The following MED17 variants were observed in gnomAD, a reference collection of about 807,000 sequenced individuals.
MED17 encodes mediator of RNA polymerase II transcription subunit 17.
A neutral mutation model predicts 80.8 loss-of-function variants in MED17; 49 were observed. The observed-to-expected ratio is 0.61, with a 90% confidence interval of 0.48 to 0.77. The LOEUF (loss-of-function observed/expected upper bound fraction) is 0.77. MED17 is among the 30% of genes least tolerant of loss of function. MED17 has a pLI of 0.00. For synonymous variants in MED17, 281 were observed against 280.4 expected (o/e 1.00, Z -0.02); for missense variants, 718 against 787.0 (o/e 0.91, Z 1.05).
intron 11 of MED17, 152 bp downstream of exon 11, chr11:93,810,028 TA>T: frequency 1.3e-6 from 1 of 762,732 alleles, no homozygotes; most frequent in South Asian, 1.5e-5. Flanking sequence ...TCATAGCTAT[TA>T]TGCAGAGCAA....
At chr11:93,788,574 A>C (rs1261997975) in intron 2 of MED17, 1 of 169,932 alleles carries the variant, frequency 5.9e-6, no homozygotes, top group Non-Finnish European at 1.3e-5. Context: ...CCAGCTACTC[A>C]GAAGGCTGAG....
At chr11:93,802,811 G>T (rs150962468) in intron 9 of MED17, among the ~76,000 whole-genome samples, 2 of 152,284 alleles carry the variant, frequency 1.3e-5, no homozygotes, top group East Asian at 1.9e-4. Flanking sequence ...AGGTAAGATG[G>T]TTTTTGTCCC....
intron 5 of MED17, 58 bp from the exon 6 acceptor site, chr11:93,794,850 A>T: frequency 6.5e-7 from 1 of 1,538,600 alleles, no homozygotes; most frequent in Non-Finnish European, 9.0e-7. Flanking sequence ...ATCACCATTT[A>T]AACTAGTTAA....
chr11:93,784,859 C>A (rs964613647), intron 1 of MED17, 96 bp downstream of exon 1: 2 of 1,485,182 alleles, frequency 1.3e-6, no homozygotes, highest in Non-Finnish European at 9.0e-7. Flanking sequence ...CTTGTGCGTG[C>A]GAGAACTTTT....
rs905318241 is a variant in MED17 at position 93,813,199 on chromosome 11, T to C, written c.*1135T>C. 1.3e-5 allele frequency: 2 copies of C among 152,228 alleles called. No individual in the cohort carries two copies. The highest frequency in any genetic ancestry group is 6.5e-5 in the Admixed American group (1 of 15,276). 9.4% of individuals were successfully genotyped at this position (152,228 alleles called of 1,614,324 possible). A position where few individuals can be genotyped will look rare whatever the true frequency, so the allele number is the denominator to read the frequency against. ...GTAGTATCATATAGGCAAGCTCTCC[T>C]TATAAGTAAGGCTTTCAATTTTTAA... On this transcript the variant is annotated 3_prime_UTR_variant, in exon 12 of 12. Coordinates refer to ENST00000251871, the MANE Select transcript of MED17 (RefSeq NM_004268.5).
chr11:93,812,322 T>C lies in MED17; in HGVS notation c.*258T>C, dbSNP rs1944092789. 1.8e-6 allele frequency: 1 copy of C among 555,082 alleles called. No individual in the cohort carries two copies. The highest frequency in any genetic ancestry group is 2.8e-5 in the South Asian group (1 of 36,008). The allele number at this position is 555,082 out of a possible 1,614,324, so 34.4% of individuals were successfully genotyped here. A position where few individuals can be genotyped will look rare whatever the true frequency, so the allele number is the denominator to read the frequency against. On this transcript the variant is annotated 3_prime_UTR_variant, in exon 12 of 12. Coordinates refer to ENST00000251871, the MANE Select transcript of MED17 (RefSeq NM_004268.5). Reference sequence around the variant, plus strand: ...TATGTTTTTCATGCAGTTTAAAATATTACTAACTTAAGGGTTTCTATGTGC... The same window carrying C: ...TATGTTTTTCATGCAGTTTAAAATACTACTAACTTAAGGGTTTCTATGTGC...
At chr11:93,794,591 G>T (rs1245766417) in intron 5 of MED17, among the ~76,000 whole-genome samples, 1 of 152,102 alleles carries the variant, frequency 6.6e-6, no homozygotes, top group Non-Finnish European at 1.5e-5. Flanking sequence ...CACAGTGGCA[G>T]TATCAAACCC....
chr11:93,787,146 G>T (rs938427355), intron 1 of MED17, among the ~76,000 whole-genome samples: 14 of 152,168 alleles, frequency 9.2e-5, no homozygotes. Flanking sequence ...GGGCGCAGTG[G>T]CTCACGTCTG....
intron 9 of MED17, among the ~76,000 whole-genome samples, chr11:93,804,299 G>C (rs529830005): frequency 6.6e-6 from 1 of 151,930 alleles, no homozygotes; most frequent in Non-Finnish European, 1.5e-5. Context: ...CAGCTGATTA[G>C]ATGGTGCCCA....
chr11:93,798,324 A>G (rs1431752117), intron 8 of MED17, among the ~76,000 whole-genome samples: 1 of 152,212 alleles, frequency 6.6e-6, no homozygotes, highest in Non-Finnish European at 1.5e-5. Context: ...ATATAAATGT[A>G]TCTTTTTCAG....
At chr11:93,810,110 C>G in intron 11 of MED17, 4 of 502,530 alleles carry the variant, frequency 8.0e-6, no homozygotes, top group South Asian at 6.2e-5. Flanking sequence ...CTGAGATAGT[C>G]TGAAAAGTAT....
At chr11:93,800,606 G>T (rs1249851298) in intron 8 of MED17, 1 of 148,130 alleles carries the variant, frequency 6.8e-6, no homozygotes, top group East Asian at 2.0e-4. Context: ...TCCATCCTGG[G>T]TGATAGAGTG....
chr11:93,809,156 C>G (rs906318200), intron 10 of MED17: 12 of 176,100 alleles, frequency 6.8e-5, no homozygotes, highest in African/African-American at 2.9e-4. Context: ...TTACAAGAAC[C>G]CTAAGGGGGA....
chr11:93,813,661 T>G lies in MED17; in HGVS notation c.*1597T>G, dbSNP rs1385835570. The G allele has an allele frequency of 2.0e-5, 3 of 152,184 alleles. No homozygotes were observed. Among genetic ancestry groups the G allele is most frequent in the Non-Finnish European group, 4.4e-5 (3 of 68,026 alleles). The allele number at this position is 152,184 out of a possible 1,614,324, so 9.4% of individuals were successfully genotyped here. On this transcript the variant is annotated 3_prime_UTR_variant, in exon 12 of 12. Coordinates refer to ENST00000251871, the MANE Select transcript of MED17 (RefSeq NM_004268.5). ...TAAAAATGAATTCCTAAAATGAAAT[T>G]TTGAAAAGATACAAAATAAAAGCCC...
chr11:93,787,800 T>C (rs998842077), intron 1 of MED17, among the ~76,000 whole-genome samples: 2 of 152,242 alleles, frequency 1.3e-5, no homozygotes, highest in Admixed American at 6.5e-5. Flanking sequence ...AGATGTCATA[T>C]TCATTTTGCG....
At chr11:93,790,504 T>C (rs1253273627) in intron 2 of MED17, 70 bp from the exon 3 acceptor site, 1 of 1,360,430 alleles carries the variant, frequency 7.4e-7, no homozygotes, top group Non-Finnish European at 1.0e-6. Context: ...ATTTTATTAT[T>C]GATAAAATGT....
chr11:93,799,582 C>A (rs1943940382), intron 8 of MED17, among the ~76,000 whole-genome samples: 1 of 152,178 alleles, frequency 6.6e-6, no homozygotes, highest in South Asian at 2.1e-4. Flanking sequence ...GAGTTTGAGA[C>A]CTGCCTGGGC....
chr11:93,790,545 G>A (rs761610353), intron 2 of MED17, 29 bp from the exon 3 acceptor site: 1 of 1,583,480 alleles, frequency 6.3e-7, no homozygotes, highest in South Asian at 1.1e-5. Flanking sequence ...AAATCCTGCA[G>A]AACTGCATGT....
chr11:93,812,952 C>G lies in MED17; in HGVS notation c.*888C>G, dbSNP rs1005033671. ...ACCTAGTGTATGGCTCATGCCCAGC[C>G]TTCCACCTGGGATTCTCCAGCCTCC... On this transcript the variant is annotated 3_prime_UTR_variant, in exon 12 of 12. Coordinates refer to ENST00000251871, the MANE Select transcript of MED17 (RefSeq NM_004268.5). The G allele has an allele frequency of 6.6e-6, 1 of 152,330 alleles. No homozygotes were observed. Among genetic ancestry groups the G allele is most frequent in the Non-Finnish European group, 1.5e-5 (1 of 68,140 alleles). The allele number at this position is 152,330 out of a possible 1,614,324, so 9.4% of individuals were successfully genotyped here.
Sources: allele counts gnomAD v4.1 joint callset (sites outside exome capture counted in the v4.1 genomes callset), GRCh38; gene constraint gnomAD v4.1.1; transcripts MANE v1.5; gene names NCBI Gene and HGNC (gene_info 2026-07-23, HGNC 2026-07-21).